The following TOP3A variants were observed in gnomAD, a reference collection of about 807,000 sequenced individuals.
TOP3A encodes DNA topoisomerase 3-alpha.
A neutral mutation model predicts 111.3 loss-of-function variants in TOP3A; 64 were observed. That is an observed-to-expected ratio of 0.57 (90% CI 0.47 to 0.71). TOP3A has a LOEUF of 0.71. TOP3A is among the 30% of genes least tolerant of loss of function. The pLI, the probability that TOP3A is intolerant of heterozygous loss-of-function variation, is 0.00. For synonymous variants in TOP3A, 484 were observed against 485.1 expected (o/e 1.00, Z 0.03); for missense variants, 1,104 against 1,285.0 (o/e 0.86, Z 2.15).
intron 9 of TOP3A, 35 bp downstream of exon 9, chr17:18,299,524 C>T: frequency 6.3e-7 from 1 of 1,598,874 alleles, no homozygotes; most frequent in East Asian, 2.2e-5. Context: ...AGTAAGTGTT[C>T]CCCGAGTGCC....
At chr17:18,294,677 T>A in intron 10 of TOP3A, 26 bp downstream of exon 10, 2 of 1,552,276 alleles carry the variant, frequency 1.3e-6, no homozygotes, top group Non-Finnish European at 1.8e-6. Flanking sequence ...CGGTTCAAAT[T>A]CTACTCCCAA....
At chr17:18,302,817 G>GC in intron 5 of TOP3A, 94 bp from the exon 6 acceptor site, 1 of 1,459,958 alleles carries the variant, frequency 6.8e-7, no homozygotes, top group Non-Finnish European at 9.2e-7. Flanking sequence ...TGAAATAAAG[G>GC]CAAACCAGTT....
At chr17:18,289,927 C>T (rs1407857207) in intron 13 of TOP3A, among the ~76,000 whole-genome samples, 1 of 152,164 alleles carries the variant, frequency 6.6e-6, no homozygotes, top group Non-Finnish European at 1.5e-5. Flanking sequence ...ACTAGGTTTG[C>T]CAGAGAAAGC....
chr17:18,285,338 C>G, intron 14 of TOP3A, 31 bp from the exon 15 acceptor site: 2 of 1,613,028 alleles, frequency 1.2e-6, no homozygotes, highest in Non-Finnish European at 1.7e-6. Flanking sequence ...TCAGTGAGGG[C>G]CCACCTGAGA....
intron 3 of TOP3A, among the ~76,000 whole-genome samples, chr17:18,307,901 C>A (rs1256396353): frequency 1.6e-5 from 2 of 126,636 alleles, no homozygotes; most frequent in East Asian, 2.1e-4. Context: ...CGCAGCGAGA[C>A]CCTGACTCAA....
chr17:18,307,068 A>G, intron 3 of TOP3A, 102 bp from the exon 4 acceptor site: 1 of 754,762 alleles, frequency 1.3e-6, no homozygotes, highest in South Asian at 1.6e-5. Context: ...TGTATCCCCA[A>G]AAGAAAAGGT....
At chr17:18,310,469 G>A (rs969980989) in intron 1 of TOP3A, among the ~76,000 whole-genome samples, 1 of 151,968 alleles carries the variant, frequency 6.6e-6, no homozygotes, top group African/African-American at 2.4e-5. Flanking sequence ...ATTAATACAT[G>A]GTACAACATG....
intron 1 of TOP3A, among the ~76,000 whole-genome samples, chr17:18,310,001 C>A (rs1322921443): frequency 6.6e-6 from 1 of 151,724 alleles, no homozygotes; most frequent in Admixed American, 6.6e-5. Context: ...TGAGCCACCA[C>A]GCCCAGCGAA....
chr17:18,308,772 GGTT>G (rs756083177), intron 2 of TOP3A, 107 bp downstream of exon 2: 259 of 644,836 alleles, frequency 4.0e-4, no homozygotes, highest in Non-Finnish European at 6.0e-4. Context: ...GGAACCTTTA[GGTT>G]GTTAACAGTT....
chr17:18,294,338 CTTT>C (rs35512557), intron 10 of TOP3A, among the ~76,000 whole-genome samples: 1 of 148,904 alleles, frequency 6.7e-6, no homozygotes, highest in Non-Finnish European at 1.5e-5. Flanking sequence ...TTTCTTTTTC[CTTT>C]TTTTTTTGAG....
intron 11 of TOP3A, among the ~76,000 whole-genome samples, chr17:18,291,731 T>C (rs1466242476): frequency 1.3e-5 from 2 of 152,146 alleles, no homozygotes; most frequent in Non-Finnish European, 2.9e-5. Flanking sequence ...TTTTTTTTTT[T>C]CCGAGACAGA....
chr17:18,302,404 C>T lies in TOP3A; in HGVS notation c.674G>A (p.Arg225Gln), dbSNP rs769391918. The change falls in exon 7 of 19, where the codon CGG becomes CAG. Residue 225 changes from arginine (R) to glutamine (Q), a missense_variant. By Grantham distance (43) the Arg-to-Gln change is conservative. Transcript: ENST00000321105. ...CACCTCAGGAAAAATCCTCTGAAGC[C>T]GCAGGGTCTGGAACCTAGTAAAGGC... ...GAAFTRFQTL[R>Q]LQRIFPEVLA... 9.3e-6 allele frequency: 15 copies of T among 1,612,816 alleles called. No homozygotes were observed. Among genetic ancestry groups the T allele is most frequent in the South Asian group, 3.3e-5 (3 of 90,970 alleles).
intron 11 of TOP3A, 116 bp downstream of exon 11, chr17:18,292,529 G>C: frequency 2.1e-6 from 2 of 967,364 alleles, no homozygotes; most frequent in South Asian, 4.4e-5. Context: ...AAATGAGAGA[G>C]ATCTCAAAAT....
intron 18 of TOP3A, among the ~76,000 whole-genome samples, chr17:18,276,724 G>A (rs1358711944): frequency 6.6e-6 from 1 of 152,200 alleles, no homozygotes; most frequent in African/African-American, 2.4e-5. Context: ...AAGCTCTGTT[G>A]TGCACTGGAG....
intron 9 of TOP3A, among the ~76,000 whole-genome samples, chr17:18,297,975 G>A (rs1980942669): frequency 6.6e-6 from 1 of 151,106 alleles, no homozygotes; most frequent in Non-Finnish European, 1.5e-5. Flanking sequence ...TCTAGGAAGT[G>A]AGGAGCGCCT....
intron 3 of TOP3A, 42 bp from the exon 4 acceptor site, chr17:18,307,008 C>T: frequency 7.0e-7 from 1 of 1,429,012 alleles, no homozygotes; most frequent in African/African-American, 1.4e-5. Context: ...CAGTACATGA[C>T]AGAGAGCCCT....
intron 8 of TOP3A, 65 bp from the exon 9 acceptor site, chr17:18,299,698 G>A: frequency 1.4e-6 from 2 of 1,453,122 alleles, no homozygotes; most frequent in Non-Finnish European, 1.9e-6. Flanking sequence ...CCTTCCTATG[G>A]ATAGCCCATG....
chr17:18,291,083 G>C (rs1193837466), intron 11 of TOP3A, 56 bp from the exon 12 acceptor site: 1 of 1,561,222 alleles, frequency 6.4e-7, no homozygotes, highest in South Asian at 1.2e-5. Context: ...CTCAAGGACA[G>C]GAGCATCACT....
intron 3 of TOP3A, 145 bp from the exon 4 acceptor site, chr17:18,307,111 T>G (rs1157588774): frequency 3.4e-6 from 2 of 591,994 alleles, no homozygotes; most frequent in Non-Finnish European, 6.0e-6. Flanking sequence ...TATGACCCTC[T>G]GCATGACACA....
Sources: gnomAD v4.1 joint callset for allele counts (sites outside exome capture counted in the v4.1 genomes callset) on GRCh38, gnomAD v4.1.1 for gene constraint, MANE v1.5 for transcripts, NCBI Gene and HGNC (gene_info 2026-07-23, HGNC 2026-07-21) for gene names.